TMED10: variants seen among roughly 807,000 people sequenced by gnomAD.
TMED10 encodes transmembrane p24 trafficking protein 10.
A neutral mutation model predicts 23.1 loss-of-function variants in TMED10; 7 were observed. The ratio of observed to expected loss-of-function variants is 0.30; its 90% CI spans 0.17 to 0.57. TMED10 has a LOEUF of 0.57. Ranked by LOEUF, TMED10 falls within the 20% of genes least tolerant of loss-of-function variation. The pLI is 0.91. For synonymous variants in TMED10, 113 were observed against 106.9 expected, an observed-to-expected ratio of 1.06 and a Z score of -0.35; for missense variants, 162 against 274.8, an observed-to-expected ratio of 0.59 and a Z score of 2.90.
intron 1 of TMED10, among the ~76,000 whole-genome samples, chr14:75,170,163 G>A (rs1656580880): frequency 6.6e-6 from 1 of 152,174 alleles, no homozygotes. Context: ...GGGGAGCAGA[G>A]CCTGCAGTGA....
chr14:75,171,530 T>C (rs1169778741), intron 1 of TMED10, among the ~76,000 whole-genome samples: 2 of 152,182 alleles, frequency 1.3e-5, no homozygotes, highest in African/African-American at 4.8e-5. Context: ...TTTGCCCGCC[T>C]TGGCCTCCCA....
chr14:75,158,352 G>T (rs1245782550), intron 1 of TMED10, among the ~76,000 whole-genome samples: 3 of 151,978 alleles, frequency 2.0e-5, no homozygotes, highest in Non-Finnish European at 4.4e-5. Flanking sequence ...ATTTTTGAGA[G>T]GGGGCCTCAC....
chr14:75,175,094 AG>A (rs1361203126), intron 1 of TMED10, among the ~76,000 whole-genome samples: 1 of 151,868 alleles, frequency 6.6e-6, no homozygotes, highest in African/African-American at 2.4e-5. Context: ...GTATAACAAA[AG>A]CCCCATTGTG....
chr14:75,159,052 T>C (rs527746909), intron 1 of TMED10, among the ~76,000 whole-genome samples: 1 of 152,292 alleles, frequency 6.6e-6, no homozygotes, highest in South Asian at 2.1e-4. Flanking sequence ...TCTTCCTTTC[T>C]TCAGAATCAG....
chr14:75,147,190 T>G (rs1895896135), intron 3 of TMED10, among the ~76,000 whole-genome samples: 1 of 47,688 alleles, frequency 2.1e-5, no homozygotes, highest in South Asian at 7.2e-4. Context: ...AGGCTGTTTT[T>G]TTTTTTTTTT....
Position 75,131,935 on chromosome 14 carries a change from A to G in TMED10, c.*2950T>C, listed in dbSNP as rs1158946035. On this transcript the variant is annotated 3_prime_UTR_variant, in exon 5 of 5. Transcript: ENST00000303575. ...AACAAAAGCATCAACGAAATAAAAT[A>G]TTCTCTTCTCCTATCTTCTTGACAT... is the stretch of plus-strand genomic sequence containing the variant. The G allele has an allele frequency of 6.6e-6, 1 of 152,542 alleles. No homozygotes were observed. The highest frequency in any genetic ancestry group is 1.5e-5 in the Non-Finnish European group (1 of 68,048). 9.4% of individuals were successfully genotyped at this position (152,542 alleles called of 1,614,324 possible). A position where few individuals can be genotyped will look rare whatever the true frequency, so the allele number is the denominator to read the frequency against.
At chr14:75,141,668 A>C (rs972562362) in intron 3 of TMED10, among the ~76,000 whole-genome samples, 12 of 152,186 alleles carry the variant, frequency 7.9e-5, no homozygotes, top group South Asian at 4.1e-4. Flanking sequence ...TTAGAATCCA[A>C]GTCTATGTGA....
In TMED10 at chr14:75,147,221, C is replaced by T. The variant is rs189163451; in HGVS notation, c.411+443G>A. On this transcript the variant is annotated intron_variant, in intron 3 of 4. Coordinates refer to ENST00000303575, the MANE Select transcript of TMED10 (RefSeq NM_006827.6). Reference sequence around the variant, plus strand: ...TTTTTTTTTTTGAGATGGAGCCTTGCCCTGTCGCCCAGGCTGGAGTGCAGT... The same window carrying T: ...TTTTTTTTTTTGAGATGGAGCCTTGTCCTGTCGCCCAGGCTGGAGTGCAGT... Among the ~76,000 whole-genome samples, 11 of 132,752 alleles carry T rather than the reference C, an allele frequency of 8.3e-5. No homozygotes were observed. The East Asian group carries it at 2.0e-3, about 24-fold the overall frequency. 87.1% of individuals were successfully genotyped at this position (132,752 alleles called of 152,430 possible).
chr14:75,170,002 C>G (rs1347760040), intron 1 of TMED10, among the ~76,000 whole-genome samples: 2 of 151,120 alleles, frequency 1.3e-5, no homozygotes, highest in African/African-American at 4.9e-5. Flanking sequence ...CAGAGGCGGG[C>G]GGATCATGAG....
intron 1 of TMED10, among the ~76,000 whole-genome samples, chr14:75,167,670 G>A (rs2139859611): frequency 6.6e-6 from 1 of 152,190 alleles, no homozygotes; most frequent in African/African-American, 2.4e-5. Flanking sequence ...AGCTAGTTGG[G>A]AAGGACAGAA....
chr14:75,136,244 G>C (rs1176490335), intron 3 of TMED10, among the ~76,000 whole-genome samples: 1 of 151,786 alleles, frequency 6.6e-6, no homozygotes, highest in African/African-American at 2.4e-5. Context: ...CTGCAGGCTC[G>C]ACCTCCTGGG....
intron 3 of TMED10, chr14:75,136,716 CAG>C (rs1255845607): frequency 1.3e-5 from 2 of 152,146 alleles, no homozygotes; most frequent in Admixed American, 1.3e-4. Flanking sequence ...GGTTTAATAT[CAG>C]AGCTCAGATG....
Position 75,164,567 on chromosome 14 carries a change from A to T in TMED10, c.225+11788T>A, listed in dbSNP as rs1566675251. ...TATATATATATATATATATATATAT[A>T]TATATATATATTTTTTTTTTTTTTT... On this transcript the variant is annotated intron_variant, in intron 1 of 4. Coordinates refer to ENST00000303575, the MANE Select transcript of TMED10 (RefSeq NM_006827.6). Among the ~76,000 whole-genome samples the T allele has an allele frequency of 5.1e-3, 10 of 1,952 alleles. 1 individual carries two copies. The highest frequency in any genetic ancestry group is 5.1e-3 in the Non-Finnish European group (4 of 792). The allele number at this position is 1,952 out of a possible 152,430, so 1.3% of individuals were successfully genotyped here.
At chr14:75,142,004 T>A (rs2139835341) in intron 3 of TMED10, among the ~76,000 whole-genome samples, 1 of 152,318 alleles carries the variant, frequency 6.6e-6, no homozygotes, top group South Asian at 2.1e-4. Flanking sequence ...ATCCTCAATA[T>A]CAAAATTCCC....
chr14:75,153,840 G>T (rs1419454704), intron 1 of TMED10, among the ~76,000 whole-genome samples: 1 of 148,918 alleles, frequency 6.7e-6, no homozygotes, highest in African/African-American at 2.5e-5. Flanking sequence ...CGTGATCTCG[G>T]CTCTCTGCAA....
intron 3 of TMED10, among the ~76,000 whole-genome samples, chr14:75,147,185 G>GTTTTTTTTTTGTTTTTTT (rs1491353231): frequency 3.4e-5 from 4 of 116,634 alleles, no homozygotes; most frequent in African/African-American, 1.5e-4. Context: ...CTTCAAGGCT[G>GTTTTTTTTTTGTTTTTTT]TTTTTTTTTT....
chr14:75,135,932 A>G (rs1229984323), intron 3 of TMED10, 46 bp from the exon 4 acceptor site: 1 of 1,600,916 alleles, frequency 6.2e-7, no homozygotes, highest in East Asian at 2.2e-5. Flanking sequence ...ACATCGCTTC[A>G]GTCAAGAACA....
intron 1 of TMED10, among the ~76,000 whole-genome samples, chr14:75,157,591 A>C (rs759937803): frequency 2.0e-5 from 3 of 152,062 alleles, no homozygotes; most frequent in Non-Finnish European, 4.4e-5. Flanking sequence ...TCGAGGCTGC[A>C]GTGAGCTGTG....
chr14:75,169,533 C>T (rs1896204863), intron 1 of TMED10, among the ~76,000 whole-genome samples: 1 of 152,156 alleles, frequency 6.6e-6, no homozygotes, highest in South Asian at 2.1e-4. Flanking sequence ...TGGTACGCGC[C>T]TATAATCCCA....
Sources: gnomAD v4.1 joint callset for allele counts (sites outside exome capture counted in the v4.1 genomes callset) on GRCh38, gnomAD v4.1.1 for gene constraint, MANE v1.5 for transcripts, NCBI Gene and HGNC (gene_info 2026-07-23, HGNC 2026-07-21) for gene names.